KCTD8: variants seen among roughly 807,000 people sequenced by gnomAD.
KCTD8 encodes potassium channel tetramerization domain containing 8.
KCTD8 carries 27 observed loss-of-function variants against 31.5 expected under a neutral mutation model. The observed-to-expected ratio is 0.86, with a 90% CI of 0.63 to 1.18. The LOEUF is 1.18. Among genes scored for constraint, KCTD8 ranks in the 50% most tolerant of loss-of-function variants. The probability of loss-of-function intolerance (pLI) is 0.00; values close to 1 mark genes in which losing one functional copy is unlikely to be tolerated. For synonymous variants in KCTD8, 290 were observed against 280.0 expected (o/e 1.04, Z -0.36); for missense variants, 658 against 647.7 (o/e 1.02, Z -0.17).
chr4:44,415,347 G>C (rs966210556), intron 1 of KCTD8, among the ~76,000 whole-genome samples: 2 of 152,128 alleles, frequency 1.3e-5, no homozygotes, highest in Admixed American at 6.6e-5. Flanking sequence ...TTTGCAGGCT[G>C]GCCCTGTGGT....
intron 1 of KCTD8, among the ~76,000 whole-genome samples, chr4:44,241,954 T>C (rs1715469140): frequency 6.6e-6 from 1 of 152,154 alleles, no homozygotes. Context: ...TTCCATCACA[T>C]AGTTAGGTTT....
At position 44,175,081 on chromosome 4, in the gene KCTD8, C is replaced by A; in HGVS notation, c.1131G>T (p.Gln377His). The change falls in exon 2 of 2, where the codon CAG becomes CAT. Residue 377 changes from glutamine (Q) to histidine (H), a missense_variant. By Grantham distance (24) the Gln-to-His change is conservative (BLOSUM62 0). Coordinates refer to ENST00000360029, the MANE Select transcript of KCTD8 (RefSeq NM_198353.3). ...TGTTAGGTTGGTGAGCTGTTGCCTG[C>A]TGGGCACTGGATGGGTTGTCCTGGG... The part of the protein sequence containing the change: ...STPQDNPSSA[Q>H]QATAHQPNTL... 6.2e-7 allele frequency: 1 copy of A among 1,614,024 alleles called. No individual in the cohort carries two copies. The highest frequency in any genetic ancestry group is 8.5e-7 in the Non-Finnish European group (1 of 1,179,944).
intron 1 of KCTD8, among the ~76,000 whole-genome samples, chr4:44,445,918 G>C (rs1043126524): frequency 6.6e-6 from 1 of 152,198 alleles, no homozygotes; most frequent in Non-Finnish European, 1.5e-5. Flanking sequence ...ATATTTAAGA[G>C]ATGTCAATTT....
At chr4:44,242,970 C>T (rs1715548951) in intron 1 of KCTD8, among the ~76,000 whole-genome samples, 1 of 152,142 alleles carries the variant, frequency 6.6e-6, no homozygotes. Context: ...TAGGACCCAA[C>T]TAAATCTCTT....
intron 1 of KCTD8, among the ~76,000 whole-genome samples, chr4:44,379,633 G>A (rs1486234016): frequency 6.6e-6 from 1 of 152,070 alleles, no homozygotes; most frequent in Non-Finnish European, 1.5e-5. Context: ...AAGATCCCAT[G>A]TTACTTACAG....
intron 1 of KCTD8, among the ~76,000 whole-genome samples, chr4:44,254,410 C>A (rs1189109474): frequency 2.0e-5 from 3 of 151,872 alleles, no homozygotes; most frequent in Admixed American, 6.6e-5. Context: ...GCAACTGATT[C>A]TCAGGCTTGT....
rs961467639 is a variant in KCTD8, at chr4:44,256,325, G to A, written c.962-81075C>T. 2.0e-5 allele frequency among the ~76,000 whole-genome samples: 3 copies of A among 151,842 alleles called. No homozygotes were observed. In the East Asian group the frequency reaches 5.8e-4, roughly 29 times the overall value. Reference sequence around the variant, plus strand: ...GCATGAAACAACAACCCACAGAGTAGCAGACGCTCTCAATTCATGCATATG... The same window carrying A: ...GCATGAAACAACAACCCACAGAGTAACAGACGCTCTCAATTCATGCATATG... On this transcript the variant is annotated intron_variant, in intron 1 of 1. Coordinates refer to ENST00000360029, the MANE Select transcript of KCTD8 (RefSeq NM_198353.3).
At chr4:44,194,905 G>C (rs1435914990) in intron 1 of KCTD8, among the ~76,000 whole-genome samples, 1 of 147,662 alleles carries the variant, frequency 6.8e-6, no homozygotes, top group Non-Finnish European at 1.5e-5. Flanking sequence ...GCCCAGGCTG[G>C]AGTGCAATAG....
chr4:44,184,874 G>T (rs536518000), intron 1 of KCTD8, among the ~76,000 whole-genome samples: 1 of 152,224 alleles, frequency 6.6e-6, no homozygotes, highest in Admixed American at 6.5e-5. Context: ...ATATCCCTCA[G>T]AGTTTATAAT....
intron 1 of KCTD8, among the ~76,000 whole-genome samples, chr4:44,228,255 T>C (rs1265271380): frequency 6.6e-6 from 1 of 152,186 alleles, no homozygotes; most frequent in Non-Finnish European, 1.5e-5. Flanking sequence ...CTTCTCTCCT[T>C]GGCTTGTAAA....
intron 1 of KCTD8, among the ~76,000 whole-genome samples, chr4:44,375,592 T>C (rs1719897271): frequency 6.6e-6 from 1 of 152,106 alleles, no homozygotes; most frequent in African/African-American, 2.4e-5. Context: ...TTCCAGGTTC[T>C]CTTGAGCTCA....
chr4:44,216,568 G>T (rs1471753547), intron 1 of KCTD8, among the ~76,000 whole-genome samples: 1 of 152,068 alleles, frequency 6.6e-6, no homozygotes, highest in African/African-American at 2.4e-5. Flanking sequence ...GCTGTGGGAA[G>T]ATGAAAACCA....
intron 1 of KCTD8, among the ~76,000 whole-genome samples, chr4:44,279,858 T>C (rs1716850958): frequency 6.6e-6 from 1 of 152,146 alleles, no homozygotes; most frequent in African/African-American, 2.4e-5. Flanking sequence ...GTCTCATCTT[T>C]AAAGATTAGA....
At chr4:44,301,286 C>T (rs1306581776) in intron 1 of KCTD8, among the ~76,000 whole-genome samples, 5 of 152,122 alleles carry the variant, frequency 3.3e-5, no homozygotes, top group African/African-American at 7.2e-5. Context: ...CCTGAGGAAT[C>T]GCCACACTGA....
At chr4:44,368,087 G>C (rs2109434350) in intron 1 of KCTD8, among the ~76,000 whole-genome samples, 1 of 152,148 alleles carries the variant, frequency 6.6e-6, no homozygotes, top group Middle Eastern at 3.4e-3. Flanking sequence ...AGTCTTAAAA[G>C]CAAATCAGGC....
intron 1 of KCTD8, among the ~76,000 whole-genome samples, chr4:44,372,270 T>C (rs1719807020): frequency 6.6e-6 from 1 of 152,128 alleles, no homozygotes; most frequent in Non-Finnish European, 1.5e-5. Flanking sequence ...GAACAGTGTG[T>C]CACTCACTCT....
At chr4:44,283,854 T>G (rs1362222023) in intron 1 of KCTD8, among the ~76,000 whole-genome samples, 1 of 152,024 alleles carries the variant, frequency 6.6e-6, no homozygotes, top group Non-Finnish European at 1.5e-5. Context: ...GAGAGCCAAA[T>G]CATGAGTGAA....
chr4:44,381,651 T>C (rs1577646356), intron 1 of KCTD8, among the ~76,000 whole-genome samples: 1 of 151,736 alleles, frequency 6.6e-6, no homozygotes, highest in Admixed American at 6.6e-5. Context: ...TGGTGGGAGG[T>C]GATTAGATCA....
intron 1 of KCTD8, among the ~76,000 whole-genome samples, chr4:44,364,865 A>G (rs2109432532): frequency 6.6e-6 from 1 of 152,046 alleles, no homozygotes; most frequent in Admixed American, 6.6e-5. Context: ...CTATAAAGCC[A>G]GTAAAAAAAA....
Sources: allele counts gnomAD v4.1 joint callset (sites outside exome capture counted in the v4.1 genomes callset), GRCh38; gene constraint gnomAD v4.1.1; transcripts MANE v1.5; gene names NCBI Gene and HGNC (gene_info 2026-07-23, HGNC 2026-07-21).